The following MEIKIN variants were observed in gnomAD, a reference collection of about 807,000 sequenced individuals.
MEIKIN encodes meiosis-specific kinetochore protein.
intron 11 of MEIKIN, among the ~76,000 whole-genome samples, chr5:131,823,795 C>A (rs1749562828): frequency 6.6e-6 from 1 of 152,076 alleles, no homozygotes; most frequent in African/African-American, 2.4e-5. Flanking sequence ...TTATTGTAGT[C>A]TTTACAGTCT....
chr5:131,880,600 T>G (rs1750688406), intron 8 of MEIKIN, among the ~76,000 whole-genome samples: 1 of 152,206 alleles, frequency 6.6e-6, no homozygotes. Context: ...AGATTTTTCT[T>G]TAGGTTTCAA....
intron 4 of MEIKIN, 118 bp downstream of exon 4, chr5:131,942,517 T>A (rs1304583505): frequency 2.6e-6 from 1 of 388,746 alleles, no homozygotes; most frequent in East Asian, 3.7e-5. Flanking sequence ...GGATTCACTT[T>A]GGAGTAGGGA....
chr5:131,914,856 G>A (rs1167751548), intron 7 of MEIKIN, among the ~76,000 whole-genome samples: 1 of 152,100 alleles, frequency 6.6e-6, no homozygotes, highest in East Asian at 1.9e-4. Context: ...GCCCAAATAT[G>A]CAGATAGGGG....
intron 12 of MEIKIN, among the ~76,000 whole-genome samples, chr5:131,808,512 C>T (rs972190171): frequency 6.6e-6 from 1 of 152,114 alleles, no homozygotes; most frequent in African/African-American, 2.4e-5. Flanking sequence ...GTCAATTATA[C>T]CAATAAAAAA....
chr5:131,821,362 T>C (rs1045790280), intron 11 of MEIKIN, among the ~76,000 whole-genome samples: 2 of 152,232 alleles, frequency 1.3e-5, no homozygotes, highest in Admixed American at 6.5e-5. Flanking sequence ...GGGTAGATGC[T>C]TGACATTGTT....
chr5:131,860,093 ACATTGATATGTAGTTAGAGATTG>A (rs1750255958), intron 9 of MEIKIN, among the ~76,000 whole-genome samples: 1 of 152,178 alleles, frequency 6.6e-6, no homozygotes, highest in Non-Finnish European at 1.5e-5. Flanking sequence ...GTGAAAAACT[ACATTGATATGTAGTTAGAGATTG>A]CACTGAATCT....
intron 8 of MEIKIN, among the ~76,000 whole-genome samples, chr5:131,896,198 G>C (rs189197971): frequency 2.6e-3 from 389 of 152,268 alleles, no homozygotes; most frequent in Non-Finnish European, 4.5e-3. Context: ...GTGTGGTTTT[G>C]AGTGAGTTTC....
At chr5:131,851,137 G>T (rs1487037508) in intron 11 of MEIKIN, 127 bp downstream of exon 11, 1 of 384,472 alleles carries the variant, frequency 2.6e-6, no homozygotes, top group Non-Finnish European at 4.6e-6. Flanking sequence ...CCACAGAATA[G>T]GAGAAAATAT....
chr5:131,866,961 T>C (rs1447149627), intron 9 of MEIKIN, among the ~76,000 whole-genome samples: 2 of 152,208 alleles, frequency 1.3e-5, no homozygotes, highest in African/African-American at 2.4e-5. Context: ...TCAACAATGA[T>C]ACAGTATATC....
At chr5:131,893,990 T>C (rs558437166) in intron 8 of MEIKIN, among the ~76,000 whole-genome samples, 1 of 152,334 alleles carries the variant, frequency 6.6e-6, no homozygotes, top group Admixed American at 6.5e-5. Flanking sequence ...ACGTCACGAA[T>C]GGTATTGCCT....
chr5:131,898,862 C>T (rs1751101572), intron 8 of MEIKIN, among the ~76,000 whole-genome samples: 1 of 152,204 alleles, frequency 6.6e-6, no homozygotes, highest in Non-Finnish European at 1.5e-5. Flanking sequence ...AAGGGAAATC[C>T]CCTGACCCCT....
intron 5 of MEIKIN, among the ~76,000 whole-genome samples, chr5:131,924,276 T>G (rs1321634211): frequency 6.6e-6 from 1 of 152,206 alleles, no homozygotes; most frequent in Non-Finnish European, 1.5e-5. Context: ...TGAATAATGC[T>G]GCAATGAATA....
intron 11 of MEIKIN, among the ~76,000 whole-genome samples, chr5:131,847,810 T>A (rs867702139): frequency 6.6e-6 from 1 of 152,016 alleles, no homozygotes; most frequent in African/African-American, 2.4e-5. Flanking sequence ...AAAAGATAGA[T>A]ATCATACAAA....
chr5:131,854,914 G>T (rs1580873773), intron 9 of MEIKIN, 80 bp from the exon 10 acceptor site: 2 of 390,272 alleles, frequency 5.1e-6, no homozygotes, highest in East Asian at 7.3e-5. Context: ...ACAATTTCAA[G>T]TTAGTTGACC....
chr5:131,877,372 A>G (rs1750633962), intron 9 of MEIKIN, among the ~76,000 whole-genome samples: 1 of 152,184 alleles, frequency 6.6e-6, no homozygotes, highest in African/African-American at 2.4e-5. Flanking sequence ...CCAGCTGGGC[A>G]TGATGGCTCA....
chr5:131,818,290 T>C (rs1207135371), intron 12 of MEIKIN, among the ~76,000 whole-genome samples: 1 of 152,216 alleles, frequency 6.6e-6, no homozygotes, highest in Non-Finnish European at 1.5e-5. Flanking sequence ...AAATTTCACA[T>C]AATTATAAGA....
At chr5:131,847,301 A>G (rs1750037706) in intron 11 of MEIKIN, among the ~76,000 whole-genome samples, 1 of 152,140 alleles carries the variant, frequency 6.6e-6, no homozygotes, top group Non-Finnish European at 1.5e-5. Context: ...GTTGTTTATA[A>G]GAGACTCACT....
At chr5:131,916,247 C>T (rs941490985) in intron 7 of MEIKIN, among the ~76,000 whole-genome samples, 2 of 152,186 alleles carry the variant, frequency 1.3e-5, no homozygotes, top group Non-Finnish European at 2.9e-5. Context: ...TTACAATTGT[C>T]ACTGTCATTT....
At chr5:131,902,567 G>A (rs577696889) in intron 8 of MEIKIN, among the ~76,000 whole-genome samples, 1 of 152,212 alleles carries the variant, frequency 6.6e-6, no homozygotes, top group East Asian at 1.9e-4. Flanking sequence ...TGTACAGCCT[G>A]CAGAACCATG....
Sources: allele counts gnomAD v4.1 joint callset (sites outside exome capture counted in the v4.1 genomes callset), GRCh38; gene constraint gnomAD v4.1.1; transcripts MANE v1.5; gene names NCBI Gene and HGNC (gene_info 2026-07-23, HGNC 2026-07-21).